The following MEST variants were observed in gnomAD, a reference collection of about 807,000 sequenced individuals.
MEST encodes mesoderm specific transcript, also known as mesoderm-specific transcript homolog protein.
In MEST, 18 loss-of-function variants were observed where a neutral mutation model predicts 50.9. The ratio of observed to expected loss-of-function variants is 0.35; its 90% CI spans 0.24 to 0.52. The LOEUF (loss-of-function observed/expected upper bound fraction) is 0.52, where lower values mean the gene tolerates loss of function less well. Ranked by LOEUF, MEST falls within the 20% of genes least tolerant of loss-of-function variation. MEST has a pLI of 0.94. For synonymous variants in MEST, 130 were observed against 154.1 expected (o/e 0.84, Z 1.16); for missense variants, 282 against 425.3 (o/e 0.66, Z 2.96).
chr7:130,495,644 CTT>C, intron 2 of MEST, 122 bp downstream of exon 2: 1 of 1,071,734 alleles, frequency 9.3e-7, no homozygotes, highest in South Asian at 1.8e-5. Flanking sequence ...ATCTCTCTCT[CTT>C]TCTGTGTAGT....
chr7:130,495,633 T>A (rs1200019327), intron 2 of MEST, 111 bp downstream of exon 2: 1 of 1,119,066 alleles, frequency 8.9e-7, no homozygotes, highest in Admixed American at 2.4e-5. Flanking sequence ...TGGAGGAGAG[T>A]ATCTCTCTCT....
chr7:130,487,197 AAGT>A (rs1240045371), upstream of MEST: 2 of 152,160 alleles, frequency 1.3e-5, no homozygotes, highest in Non-Finnish European at 2.9e-5. Context: ...GTCTGAAAGA[AAGT>A]AGCTGTTTTC....
Position 130,500,164 on chromosome 7 carries a change from A to G in MEST, c.576+249A>G, listed in dbSNP as rs1799221696. The G allele has an allele frequency of 1.8e-6, 1 of 552,728 alleles. No homozygotes were observed. The highest frequency in any genetic ancestry group is 2.9e-5 in the East Asian group (1 of 34,100). 34.2% of individuals were successfully genotyped at this position (552,728 alleles called of 1,614,324 possible). ...ATTTGGAGAAATTACAGCTATGGAA[A>G]GATCTGTGTCACAAGCTTGATGTTT... On this transcript the variant is annotated intron_variant, in intron 7 of 11. Coordinates refer to ENST00000223215, the MANE Select transcript of MEST (RefSeq NM_002402.4). This position sits in a 1 kb window ranked among gnomAD's most constrained non-coding sequence, Gnocchi z 5.0.
upstream of MEST, chr7:130,491,558 A>G (rs1798812641): frequency 6.6e-6 from 1 of 152,238 alleles, no homozygotes; most frequent in Non-Finnish European, 1.5e-5. The surrounding 1 kb of genome is among the most constrained non-coding windows in gnomAD (Gnocchi z 6.8). Flanking sequence ...AGTTAAGCTT[A>G]GGGCGCATAG....
intron 1 of MEST, among the ~76,000 whole-genome samples, chr7:130,494,289 C>T (rs1798953322): frequency 6.6e-6 from 1 of 152,192 alleles, no homozygotes; most frequent in East Asian, 1.9e-4. Context: ...TTTATTTCAG[C>T]TCTATGACAA....
At position 130,500,526 on chromosome 7, in the gene MEST, C is replaced by T; in HGVS notation, c.641C>T (p.Ser214Phe). The T allele has an allele frequency of 1.2e-6, 2 of 1,613,172 alleles. No homozygotes were observed. The highest frequency in any genetic ancestry group is 1.7e-6 in the Non-Finnish European group (2 of 1,179,554). ...CGACTGATGAACTTCTTTGTATTCT[C>T]TCGAGGGTAAGTGTCACTGTCAAAG... ...LTRLMNFFVFSRGLTPVFGPY... is the reference protein window; with the variant it reads ...LTRLMNFFVFFRGLTPVFGPY... The change falls in exon 8 of 12, where the codon TCT becomes TTT. Residue 214 changes from serine (S) to phenylalanine (F), a missense_variant. By Grantham distance (155) the Ser-to-Phe change is radical (BLOSUM62 -2). Transcript: ENST00000223215. This position sits in a 1 kb window ranked among gnomAD's most constrained non-coding sequence, Gnocchi z 5.0.
chr7:130,486,400 G>C (rs1385312448), intron 1 of MEST: 1 of 152,348 alleles, frequency 6.6e-6, no homozygotes, highest in Non-Finnish European at 1.5e-5. Context: ...AATCAGGTAA[G>C]AGGCGGGCGG....
chr7:130,494,261 C>T (rs1370091503), intron 1 of MEST, among the ~76,000 whole-genome samples: 1 of 152,174 alleles, frequency 6.6e-6, no homozygotes, highest in Non-Finnish European at 1.5e-5. Context: ...CCATTTCCCC[C>T]AGGGCTTTAG....
rs782645759 is a variant in MEST at position 130,500,489 on chromosome 7, C to A, written c.604C>A (p.Pro202Thr). The A allele has an allele frequency of 1.2e-6, 2 of 1,613,740 alleles. No individual in the cohort carries two copies. The highest frequency in any genetic ancestry group is 1.7e-6 in the Non-Finnish European group (2 of 1,179,930). ...KLLKDGGVLS[P>T]ILTRLMNFFV... ...ACTCAAAGATGGAGGTGTGCTGTCA[C>A]CCATCCTCACACGACTGATGAACTT... Residue 202 changes from proline to threonine, a missense_variant, in exon 8 of 12, where the codon CCC (proline) becomes ACC (threonine). Pro to Thr is a conservative substitution (Grantham distance 38, BLOSUM62 -1). Coordinates refer to ENST00000223215, the MANE Select transcript of MEST (RefSeq NM_002402.4). This position sits in a 1 kb window ranked among gnomAD's most constrained non-coding sequence, Gnocchi z 5.0.
rs782117985 is a variant in MEST at position 130,505,860 on chromosome 7, A to G, written c.*804A>G. 1 of 152,238 alleles carries G rather than the reference A, an allele frequency of 6.6e-6. No individual in the cohort carries two copies. The highest frequency in any genetic ancestry group is 1.5e-5 in the Non-Finnish European group (1 of 68,036). The allele number at this position is 152,238 out of a possible 1,614,324, so 9.4% of individuals were successfully genotyped here. ...GTACTGTTATTAGCTGGGAAGACCA[A>G]TTCTAACAGCAAATAACAGTCTGAG... On this transcript the variant is annotated 3_prime_UTR_variant, in exon 12 of 12. Transcript: ENST00000223215.
At chr7:130,502,298 A>T (rs1554438691) in intron 9 of MEST, among the ~76,000 whole-genome samples, 1 of 152,234 alleles carries the variant, frequency 6.6e-6, no homozygotes, top group African/African-American at 2.4e-5. Flanking sequence ...TGAGTCAGAG[A>T]GGTAGGTAGT....
chr7:130,499,164 G>C (rs1044366873), intron 6 of MEST, among the ~76,000 whole-genome samples: 10 of 152,180 alleles, frequency 6.6e-5, no homozygotes, highest in Admixed American at 6.5e-4. Context: ...GCAGTGCCAA[G>C]TTTCAGTTAG....
Position 130,492,191 on chromosome 7 carries a change from C to T in MEST, c.-123C>T, listed in dbSNP as rs868977246. 2.5e-6 allele frequency: 2 copies of T among 789,454 alleles called. No homozygotes were observed. Among genetic ancestry groups the T allele is most frequent in the Non-Finnish European group, 3.3e-6 (2 of 600,376 alleles). The allele number at this position is 789,454 out of a possible 1,614,324, so 48.9% of individuals were successfully genotyped here. ...TGGCTGTAGCTGCCCGGCGCGGCGC[C>T]GCCCTGCGCGGGCTGTGGGCTGCGG... On this transcript the variant is annotated 5_prime_UTR_variant, in exon 1 of 12. Transcript: ENST00000223215. The surrounding 1 kb of genome is among the most constrained non-coding windows in gnomAD (Gnocchi z 7.6).
rs184612086 is a variant in MEST, at chr7:130,492,843, G to T, written c.26+504G>T. Among the ~76,000 whole-genome samples the T allele has an allele frequency of 1.8e-3, 270 of 151,920 alleles. 1 individual carries two copies. The highest frequency in any genetic ancestry group is 6.2e-3 in the African/African-American group (258 of 41,378). On this transcript the variant is annotated intron_variant, in intron 1 of 11. Coordinates refer to ENST00000223215, the MANE Select transcript of MEST (RefSeq NM_002402.4). This position sits in a 1 kb window ranked among gnomAD's most constrained non-coding sequence, Gnocchi z 7.6. Reference sequence around the variant, plus strand: ...AGGATTCTTAGACTCCGCCGTTGCCGTGGCGCGATTTAGGATTTATAGATC... The same window carrying T: ...AGGATTCTTAGACTCCGCCGTTGCCTTGGCGCGATTTAGGATTTATAGATC...
chr7:130,498,353 C>A (rs782741593), intron 5 of MEST, 66 bp from the exon 6 acceptor site: 2 of 1,610,208 alleles, frequency 1.2e-6, no homozygotes, highest in African/African-American at 1.3e-5. Flanking sequence ...CTTTTTCTCT[C>A]GTTTTCAGCG....
chr7:130,486,231 G>A (rs560407955), exon 1 of MEST: 1 of 152,012 alleles, frequency 6.6e-6, no homozygotes, highest in South Asian at 2.1e-4. Context: ...GGGGGCGATG[G>A]GCTTGTGCGC....
upstream of MEST, chr7:130,488,832 C>T (rs1798699080): frequency 6.6e-6 from 1 of 152,182 alleles, no homozygotes; most frequent in Admixed American, 6.5e-5. Flanking sequence ...TTCTAACCAG[C>T]ATAATAGAGT....
At chr7:130,501,716 T>C (rs781961265) in intron 9 of MEST, among the ~76,000 whole-genome samples, 1 of 152,104 alleles carries the variant, frequency 6.6e-6, no homozygotes, top group Admixed American at 6.5e-5. Flanking sequence ...AATTTTGAAG[T>C]AGATGTCGGC....
upstream of MEST, among the ~76,000 whole-genome samples, chr7:130,491,698 T>C (rs1407192885): frequency 1.3e-5 from 2 of 151,994 alleles, no homozygotes; most frequent in Non-Finnish European, 2.9e-5. This position sits in a 1 kb window ranked among gnomAD's most constrained non-coding sequence, Gnocchi z 6.8. Flanking sequence ...CCTGTGGGGC[T>C]TGTGGGCAGC....
Sources: allele counts gnomAD v4.1 joint callset (sites outside exome capture counted in the v4.1 genomes callset), GRCh38; gene constraint gnomAD v4.1.1; non-coding constraint Gnocchi (gnomAD v3.1); transcripts MANE v1.5; gene names NCBI Gene and HGNC (gene_info 2026-07-23, HGNC 2026-07-21).